The following CAMK1D variants were observed in gnomAD, a reference collection of about 807,000 sequenced individuals.
CAMK1D encodes calcium/calmodulin dependent protein kinase ID.
A neutral mutation model predicts 47.7 loss-of-function variants in CAMK1D; 9 were observed. That is an observed-to-expected ratio of 0.19 (90% confidence interval 0.11 to 0.33). CAMK1D has a LOEUF of 0.33. Among genes scored for constraint, CAMK1D ranks in the 10% least tolerant of loss-of-function variants. The probability of loss-of-function intolerance (pLI) is 1.00; values close to 1 mark genes in which losing one functional copy is unlikely to be tolerated. For synonymous variants in CAMK1D, 184 were observed against 184.9 expected, an observed-to-expected ratio of 0.99 and a Z score of 0.04; for missense variants, 291 against 488.7, an observed-to-expected ratio of 0.60 and a Z score of 3.81.
chr10:12,482,470 C>T (rs779272704), intron 1 of CAMK1D, among the ~76,000 whole-genome samples: 2 of 152,206 alleles, frequency 1.3e-5, no homozygotes, highest in South Asian at 2.1e-4. Flanking sequence ...ACTCTTTATG[C>T]TCCAGGAAAG....
chr10:12,625,482 G>GCAC (rs1409853979), intron 2 of CAMK1D, among the ~76,000 whole-genome samples: 1 of 146,052 alleles, frequency 6.8e-6, no homozygotes, highest in East Asian at 2.3e-4. Context: ...CTACAGGCAT[G>GCAC]CACCACCACG....
intron 1 of CAMK1D, among the ~76,000 whole-genome samples, chr10:12,408,014 C>T (rs146088788): frequency 0.01 from 1,570 of 152,084 alleles, 24 homozygotes; most frequent in African/African-American, 0.035. Context: ...TGTCCCACCA[C>T]GCCCAGCTAA....
At chr10:12,432,042 C>T (rs377739829) in intron 1 of CAMK1D, among the ~76,000 whole-genome samples, 1 of 152,228 alleles carries the variant, frequency 6.6e-6, no homozygotes, top group Non-Finnish European at 1.5e-5. Flanking sequence ...AGGTATTCTA[C>T]CTTTGGAAGA....
At chr10:12,586,030 G>T (rs1837806666) in intron 2 of CAMK1D, among the ~76,000 whole-genome samples, 1 of 152,112 alleles carries the variant, frequency 6.6e-6, no homozygotes. Context: ...AGTGAAATTG[G>T]CCAAGGTCAC....
intron 2 of CAMK1D, among the ~76,000 whole-genome samples, chr10:12,663,272 A>G (rs1033333936): frequency 6.6e-6 from 1 of 152,124 alleles, no homozygotes; most frequent in African/African-American, 2.4e-5. Context: ...CTACTTTACT[A>G]TTTAATACCG....
chr10:12,619,875 T>C (rs1838938226), intron 2 of CAMK1D, among the ~76,000 whole-genome samples: 1 of 152,158 alleles, frequency 6.6e-6, no homozygotes, highest in East Asian at 1.9e-4. Flanking sequence ...TAACCTCAGG[T>C]AACCTGTAGT....
chr10:12,453,420 C>A (rs375500664), intron 1 of CAMK1D, among the ~76,000 whole-genome samples: 47 of 152,098 alleles, frequency 3.1e-4, no homozygotes, highest in East Asian at 2.5e-3. Context: ...GAACTCCTGA[C>A]CTCATGATCC....
intron 3 of CAMK1D, among the ~76,000 whole-genome samples, chr10:12,721,395 C>T (rs1029295038): frequency 3.9e-5 from 6 of 152,256 alleles, no homozygotes; most frequent in Admixed American, 1.3e-4. Flanking sequence ...GGAAATGTAT[C>T]GGCGGGCTGT....
intron 8 of CAMK1D, among the ~76,000 whole-genome samples, chr10:12,821,186 G>A (rs909537478): frequency 1.3e-5 from 2 of 152,118 alleles, no homozygotes; most frequent in Non-Finnish European, 2.9e-5. Context: ...TTTTTCATGA[G>A]GGCCGTCGAC....
chr10:12,647,427 G>A (rs888003199), intron 2 of CAMK1D, among the ~76,000 whole-genome samples: 1 of 152,082 alleles, frequency 6.6e-6, no homozygotes, highest in Admixed American at 6.6e-5. Flanking sequence ...AGGATTACAG[G>A]CATGAGCCAC....
In CAMK1D at chr10:12,393,574, G is replaced by T. The variant is rs575829733; in HGVS notation, c.92+43664G>T. Among the ~76,000 whole-genome samples, 4 of 152,294 alleles carry T rather than the reference G, an allele frequency of 2.6e-5. No individual in the cohort carries two copies. The East Asian group carries it at 7.7e-4, about 29-fold the overall frequency. On this transcript the variant is annotated intron_variant, in intron 1 of 10. Transcript: ENST00000619168. ...CCAGGGACATTCAGCGAATTAAGTG[G>T]CTGAGTTGAGCTTCAGGCCCAGCTT...
chr10:12,542,219 G>A (rs749969519), intron 1 of CAMK1D, among the ~76,000 whole-genome samples: 7 of 152,134 alleles, frequency 4.6e-5, no homozygotes, highest in African/African-American at 9.7e-5. Context: ...TTGTGCTGAC[G>A]TGACACTGGG....
At chr10:12,594,815 T>G (rs947550618) in intron 2 of CAMK1D, among the ~76,000 whole-genome samples, 1 of 152,142 alleles carries the variant, frequency 6.6e-6, no homozygotes, top group South Asian at 2.1e-4. Context: ...CTCGGCCTCA[T>G]GCGGTGTTCA....
intron 2 of CAMK1D, among the ~76,000 whole-genome samples, chr10:12,585,289 A>G (rs1022711800): frequency 2.6e-5 from 4 of 152,172 alleles, no homozygotes; most frequent in Admixed American, 6.5e-5. Context: ...GAGACTCTGC[A>G]TTTCTGGCAC....
chr10:12,579,787 C>T (rs1360716922), intron 2 of CAMK1D, among the ~76,000 whole-genome samples: 1 of 152,184 alleles, frequency 6.6e-6, no homozygotes, highest in Non-Finnish European at 1.5e-5. Flanking sequence ...CCGTGGGCTG[C>T]ACCACCCTTG....
intron 3 of CAMK1D, among the ~76,000 whole-genome samples, chr10:12,723,091 G>A (rs1307280998): frequency 1.3e-5 from 2 of 152,100 alleles, no homozygotes; most frequent in African/African-American, 4.8e-5. Flanking sequence ...GACGTGAAGA[G>A]GCTAAAGTCC....
At chr10:12,762,117 A>G (rs568999837) in intron 4 of CAMK1D, among the ~76,000 whole-genome samples, 21 of 152,202 alleles carry the variant, frequency 1.4e-4, no homozygotes, top group Non-Finnish European at 2.9e-4. Context: ...TATCAGACAT[A>G]TCAACTTGAG....
chr10:12,750,827 A>G (rs1835910341), intron 3 of CAMK1D, among the ~76,000 whole-genome samples: 1 of 152,100 alleles, frequency 6.6e-6, no homozygotes, highest in Non-Finnish European at 1.5e-5. Context: ...GAGGTGGGCA[A>G]ATCACCTGAG....
chr10:12,617,960 T>A (rs1838874336), intron 2 of CAMK1D, among the ~76,000 whole-genome samples: 1 of 152,248 alleles, frequency 6.6e-6, no homozygotes, highest in South Asian at 2.1e-4. Context: ...TTTTGCATTG[T>A]CATTTCAGAA....
Sources: gnomAD v4.1 joint callset for allele counts (sites outside exome capture counted in the v4.1 genomes callset) on GRCh38, gnomAD v4.1.1 for gene constraint, MANE v1.5 for transcripts, NCBI Gene and HGNC (gene_info 2026-07-23, HGNC 2026-07-21) for gene names.